SLC30A9: variants seen among roughly 807,000 people sequenced by gnomAD.
The protein encoded by SLC30A9 is proton-coupled zinc antiporter SLC30A9, mitochondrial.
In SLC30A9, 58 loss-of-function variants were observed where a neutral mutation model predicts 87.5. The observed-to-expected ratio is 0.66, with a 90% confidence interval of 0.54 to 0.82. The LOEUF (loss-of-function observed/expected upper bound fraction) is 0.82. Ranked by LOEUF, SLC30A9 falls within the 40% of genes least tolerant of loss-of-function variation. SLC30A9 has a pLI of 0.00. For missense variants in SLC30A9, 557 were observed against 679.1 expected, an observed-to-expected ratio of 0.82 and a Z score of 2.00; for synonymous variants, 234 against 233.0, an observed-to-expected ratio of 1.00 and a Z score of -0.04.
At chr4:42,074,268 G>A (rs1255464622) in intron 15 of SLC30A9, among the ~76,000 whole-genome samples, 1 of 152,128 alleles carries the variant, frequency 6.6e-6, no homozygotes, top group African/African-American at 2.4e-5. Flanking sequence ...TCAGTGTTTA[G>A]TAACCTGCTC....
intron 8 of SLC30A9, among the ~76,000 whole-genome samples, chr4:42,041,309 G>A (rs561407667): frequency 2.6e-5 from 4 of 151,972 alleles, no homozygotes; most frequent in South Asian, 2.1e-4. Flanking sequence ...TTTGTGAGAC[G>A]GAATCTCACT....
intron 6 of SLC30A9, among the ~76,000 whole-genome samples, chr4:42,031,466 C>A (rs1262571450): frequency 6.6e-6 from 1 of 152,074 alleles, no homozygotes; most frequent in African/African-American, 2.4e-5. Context: ...TGCTAAAAGG[C>A]AAATATCAAC....
chr4:42,078,598 G>T lies in SLC30A9; in HGVS notation c.1662+273G>T, dbSNP rs561726680. 10 of 195,784 alleles carry T rather than the reference G, an allele frequency of 5.1e-5. No homozygotes were observed. The East Asian group carries it at 7.2e-4, about 14-fold the overall frequency. The allele number at this position is 195,784 out of a possible 1,614,324, so 12.1% of individuals were successfully genotyped here. A position where few individuals can be genotyped will look rare whatever the true frequency, so the allele number is the denominator to read the frequency against. On this transcript the variant is annotated intron_variant, in intron 17 of 17. Transcript: ENST00000264451. The stretch of plus-strand genomic sequence containing the variant: ...TTAGTTTCTAAAATAGTCAAAGGGG[G>T]TTTTTTTGTTTGTTAATAAATAAGC...
intron 16 of SLC30A9, among the ~76,000 whole-genome samples, chr4:42,076,518 A>G (rs1718555911): frequency 6.6e-6 from 1 of 152,154 alleles, no homozygotes; most frequent in Non-Finnish European, 1.5e-5. Flanking sequence ...CGTCTCTACA[A>G]TTGGCATAAC....
chr4:42,038,813 T>C (rs1716794986), intron 7 of SLC30A9, among the ~76,000 whole-genome samples, 173 bp from the exon 8 acceptor site: 1 of 152,266 alleles, frequency 6.6e-6, no homozygotes, highest in Non-Finnish European at 1.5e-5. Flanking sequence ...GACCCAGATA[T>C]GCTTTCGGTT....
In SLC30A9 at chr4:42,086,201, C is replaced by A; in HGVS notation, c.*75C>A. The A allele has an allele frequency of 1.1e-6, 1 of 878,908 alleles. No individual in the cohort carries two copies. The highest frequency in any genetic ancestry group is 1.8e-6 in the Non-Finnish European group (1 of 566,800). 54.4% of individuals were successfully genotyped at this position (878,908 alleles called of 1,614,324 possible). A position where few individuals can be genotyped will look rare whatever the true frequency, so the allele number is the denominator to read the frequency against. On this transcript the variant is annotated 3_prime_UTR_variant, in exon 18 of 18. Transcript: ENST00000264451. ...CGTCCACTCTACAAAGTTTCCTCCT[C>A]TCCTACACTGAAAGACTCAGTGCCA...
chr4:42,068,559 G>A (rs1468042860), intron 14 of SLC30A9, among the ~76,000 whole-genome samples: 2 of 152,102 alleles, frequency 1.3e-5, no homozygotes, highest in African/African-American at 4.8e-5. Flanking sequence ...CTTAACTCTT[G>A]TTTGTATCAG....
intron 2 of SLC30A9, among the ~76,000 whole-genome samples, chr4:42,006,505 G>A (rs1560535968): frequency 6.6e-6 from 1 of 152,066 alleles, no homozygotes; most frequent in Non-Finnish European, 1.5e-5. Flanking sequence ...TGAGCAACGT[G>A]GTGAAACTCT....
At chr4:42,073,520 A>C (rs1011141616) in intron 15 of SLC30A9, among the ~76,000 whole-genome samples, 1 of 152,228 alleles carries the variant, frequency 6.6e-6, no homozygotes, top group Non-Finnish European at 1.5e-5. Context: ...ACATATTACC[A>C]TCTTACAGTT....
intron 15 of SLC30A9, among the ~76,000 whole-genome samples, chr4:42,073,561 T>C (rs1718402866): frequency 6.6e-6 from 1 of 152,198 alleles, no homozygotes; most frequent in Non-Finnish European, 1.5e-5. Flanking sequence ...GCACAGCTTA[T>C]CTGGGTCTTC....
At chr4:42,033,936 T>A (rs115620570) in intron 6 of SLC30A9, among the ~76,000 whole-genome samples, 6,209 of 152,230 alleles carry the variant, frequency 0.041, 159 homozygotes, top group African/African-American at 0.051. Context: ...AATAGAGACA[T>A]TTCTTCATTT....
intron 8 of SLC30A9, among the ~76,000 whole-genome samples, chr4:42,043,031 A>G (rs1716986279): frequency 6.6e-6 from 1 of 152,222 alleles, no homozygotes; most frequent in South Asian, 2.1e-4. Flanking sequence ...AATAGCATCA[A>G]CATCAACAAA....
intron 7 of SLC30A9, among the ~76,000 whole-genome samples, chr4:42,036,728 A>T (rs1018899927): frequency 2.6e-5 from 4 of 152,062 alleles, no homozygotes; most frequent in African/African-American, 7.2e-5. Context: ...TATCTTCAAG[A>T]CCTCTTAATT....
intron 9 of SLC30A9, among the ~76,000 whole-genome samples, chr4:42,058,552 T>G (rs1717719172): frequency 1.3e-5 from 2 of 152,210 alleles, no homozygotes; most frequent in African/African-American, 4.8e-5. Flanking sequence ...TACTGTATTA[T>G]TCTGTTTTCA....
intron 6 of SLC30A9, among the ~76,000 whole-genome samples, chr4:42,032,151 A>G (rs1039359056): frequency 2.0e-5 from 3 of 152,158 alleles, no homozygotes; most frequent in Admixed American, 1.3e-4. Context: ...AGTCGTGAGG[A>G]CAGTACCAAG....
chr4:42,058,489 G>T (rs527473032), intron 9 of SLC30A9, among the ~76,000 whole-genome samples: 1 of 152,228 alleles, frequency 6.6e-6, no homozygotes, highest in South Asian at 2.1e-4. Flanking sequence ...TTCCAAAGTT[G>T]CTTCCACATT....
At chr4:42,005,043 A>T (rs1296092031) in intron 2 of SLC30A9, among the ~76,000 whole-genome samples, 1 of 152,144 alleles carries the variant, frequency 6.6e-6, no homozygotes, top group Non-Finnish European at 1.5e-5. Context: ...TTATTACATT[A>T]GATACGTTAA....
Position 41,996,601 on chromosome 4 carries a change from G to A in SLC30A9, c.110-5015G>A, listed in dbSNP as rs180760842. On this transcript the variant is annotated intron_variant, in intron 1 of 17. Transcript: ENST00000264451. ...AAAAAAAAATTAAAAAATGTAGCCA[G>A]GTAGGGTGGCACACGCCTGCGGTCC... Among the ~76,000 whole-genome samples, 155 of 152,222 alleles carry A rather than the reference G, an allele frequency of 1.0e-3. 1 individual carries two copies. The highest frequency in any genetic ancestry group is 3.6e-3 in the African/African-American group (150 of 41,548).
intron 14 of SLC30A9, 69 bp from the exon 15 acceptor site, chr4:42,070,457 G>C: frequency 8.3e-7 from 1 of 1,211,854 alleles, no homozygotes; most frequent in African/African-American, 1.5e-5. Flanking sequence ...CTGGTTCTTT[G>C]CTCTCTATAA....
Sources: gnomAD v4.1 joint callset for allele counts (sites outside exome capture counted in the v4.1 genomes callset) on GRCh38, gnomAD v4.1.1 for gene constraint, MANE v1.5 for transcripts, NCBI Gene and HGNC (gene_info 2026-07-23, HGNC 2026-07-21) for gene names.